Variants in ZC3H12B observed in about 807,000 individuals in gnomAD.
ZC3H12B encodes probable ribonuclease ZC3H12B.
In ZC3H12B, 7 loss-of-function variants were observed where a neutral mutation model predicts 43.9. That is an observed-to-expected ratio of 0.16 (90% confidence interval 0.09 to 0.30). ZC3H12B has a LOEUF of 0.30. ZC3H12B is among the 10% of genes least tolerant of loss of function. ZC3H12B has a pLI of 1.00. For missense variants in ZC3H12B, 475 were observed against 670.2 expected, an observed-to-expected ratio of 0.71 and a Z score of 3.22; for synonymous variants, 222 against 241.7, an observed-to-expected ratio of 0.92 and a Z score of 0.76.
At chrX:65,285,730 G>T in the ZC3H12B span, among the ~76,000 whole-genome samples, 1 of 111,472 alleles carries the variant, frequency 9.0e-6, no homozygotes, top group East Asian at 2.8e-4. Flanking sequence ...GAAGTGATAG[G>T]ACAGCATTCA....
exon 5 of ZC3H12B, chrX:65,503,457 C>T: frequency 3.3e-6 from 1 of 302,657 alleles, no homozygotes; most frequent in Non-Finnish European, 5.7e-6. Context: ...TAAGTCAAGA[C>T]ACACACCCAA....
intron 2 of ZC3H12B, among the ~76,000 whole-genome samples, chrX:65,383,578 G>A (rs2066475827): frequency 9.0e-6 from 1 of 111,443 alleles, no homozygotes; most frequent in Admixed American, 9.6e-5. Flanking sequence ...AAAAGCAATG[G>A]CAACAAAAGC....
At chrX:65,322,945 A>G in the ZC3H12B span, among the ~76,000 whole-genome samples, 2 of 111,438 alleles carry the variant, frequency 1.8e-5, no homozygotes, top group South Asian at 3.7e-4. Context: ...TGTTAAATTT[A>G]TTTCTAAGTA....
exon 5 of ZC3H12B, chrX:65,506,378 T>C (rs1436157245): frequency 8.9e-6 from 1 of 112,368 alleles, no homozygotes; most frequent in East Asian, 2.8e-4. Flanking sequence ...ACATTTTCTT[T>C]ATATTGAGGT....
At chrX:65,363,980 C>T (rs1281656861), upstream of ZC3H12B, among the ~76,000 whole-genome samples, 2 of 111,092 alleles carry the variant, frequency 1.8e-5, no homozygotes, top group Non-Finnish European at 3.8e-5. Context: ...CACATTATTC[C>T]TGATACCACA....
At chrX:65,161,164 G>A in the ZC3H12B span, among the ~76,000 whole-genome samples, 1 of 111,249 alleles carries the variant, frequency 9.0e-6, no homozygotes, top group Non-Finnish European at 1.9e-5. Context: ...ATTTGCTGAG[G>A]AGAGCTTTAC....
chrX:65,231,754 C>T, the ZC3H12B span, among the ~76,000 whole-genome samples: 17 of 111,514 alleles, frequency 1.5e-4, no homozygotes, highest in Non-Finnish European at 2.8e-4. Flanking sequence ...CTGAAAATTG[C>T]TGTTATTCTG....
At chrX:65,132,121 A>G in the ZC3H12B span, among the ~76,000 whole-genome samples, 6 of 111,125 alleles carry the variant, frequency 5.4e-5, no homozygotes, top group African/African-American at 1.3e-4. Flanking sequence ...GGAATAGTGA[A>G]AAAAGCATCT....
chrX:65,406,825 G>C lies in ZC3H12B; in HGVS notation n.407+8121G>C, dbSNP rs868062943. On this transcript the variant is annotated intron_variant and non_coding_transcript_variant, in intron 3 of 5. Transcript: ENST00000617377. ...TGCGCCACCCCACCCTCGCACGGCC[G>C]GGCGGGACCCGCGCCACCAGCCCGG... Among the ~76,000 whole-genome samples the C allele has an allele frequency of 1.6e-3, 176 of 112,773 alleles. No individual in the cohort carries two copies. In the Middle Eastern group the frequency reaches 0.023, roughly 15 times the overall value.
rs532026943 is a variant in ZC3H12B at position 65,432,580 on chromosome X, G to A, written n.407+33876G>A. The stretch of plus-strand genomic sequence containing the variant: ...CTGTTCTGGGCCCCACTCAGAACTA[G>A]CAGGTTTTTGGGCCACCCCATAAAT... On this transcript the variant is annotated intron_variant and non_coding_transcript_variant, in intron 3 of 5. Transcript: ENST00000617377. Among the ~76,000 whole-genome samples the A allele has an allele frequency of 2.9e-4, 33 of 111,934 alleles. No homozygotes were observed. The South Asian group carries it at 0.012, about 42-fold the overall frequency.
the ZC3H12B span, among the ~76,000 whole-genome samples, chrX:65,319,555 C>T: frequency 9.0e-6 from 1 of 111,505 alleles, no homozygotes; most frequent in African/African-American, 3.3e-5. Context: ...GGAGAGACTC[C>T]TCCTTAACTC....
chrX:65,281,700 T>A, the ZC3H12B span, among the ~76,000 whole-genome samples: 4 of 112,469 alleles, frequency 3.6e-5, no homozygotes, highest in African/African-American at 1.3e-4. Flanking sequence ...CTAAATGTCA[T>A]AGCTGAAATG....
At chrX:65,201,386 G>T in the ZC3H12B span, among the ~76,000 whole-genome samples, 1 of 111,700 alleles carries the variant, frequency 9.0e-6, no homozygotes, top group African/African-American at 3.3e-5. Context: ...CGTGTGGTCA[G>T]TGGTGCTATC....
At chrX:65,128,910 C>T in the ZC3H12B span, among the ~76,000 whole-genome samples, 1 of 111,402 alleles carries the variant, frequency 9.0e-6, no homozygotes, top group African/African-American at 3.2e-5. Context: ...CTTTTTCTGT[C>T]TTTCTATATT....
chrX:65,300,328 G>T, the ZC3H12B span, among the ~76,000 whole-genome samples: 5 of 112,042 alleles, frequency 4.5e-5, no homozygotes, highest in African/African-American at 1.3e-4. Context: ...TGTTGAGGGG[G>T]CAGGGTGGTA....
chrX:65,250,352 T>G, the ZC3H12B span, among the ~76,000 whole-genome samples: 5 of 112,200 alleles, frequency 4.5e-5, no homozygotes, highest in Non-Finnish European at 9.4e-5. Flanking sequence ...GATATTTGGG[T>G]TGGTTCCAAA....
At chrX:65,122,341 A>G in the ZC3H12B span, among the ~76,000 whole-genome samples, 2 of 111,100 alleles carry the variant, frequency 1.8e-5, no homozygotes, top group South Asian at 7.6e-4. Context: ...ATGCTGAGAG[A>G]TTTTGTCACC....
the ZC3H12B span, among the ~76,000 whole-genome samples, chrX:65,154,881 TTAAG>T: frequency 8.9e-6 from 1 of 111,785 alleles, no homozygotes; most frequent in Non-Finnish European, 1.9e-5. Context: ...TATTTCACCA[TTAAG>T]TAATGATATT....
the ZC3H12B span, among the ~76,000 whole-genome samples, chrX:65,103,534 AAGTAAAGAC>A: frequency 6.2e-5 from 7 of 112,150 alleles, no homozygotes; most frequent in South Asian, 1.1e-3. Flanking sequence ...TAAGAGATTA[AAGTAAAGAC>A]AGGCCTAGGA....
Sources: gnomAD v4.1 joint callset for allele counts (sites outside exome capture counted in the v4.1 genomes callset) on GRCh38, gnomAD v4.1.1 for gene constraint, MANE v1.5 for transcripts, NCBI Gene and HGNC (gene_info 2026-07-23, HGNC 2026-07-21) for gene names.